DPP10: variants seen among roughly 807,000 people sequenced by gnomAD.
The protein encoded by DPP10 is inactive dipeptidyl peptidase 10.
Under a neutral mutation model 120.9 loss-of-function variants are expected in DPP10, and 33 were observed. That is an observed-to-expected ratio of 0.27 (90% CI 0.21 to 0.37). The LOEUF is 0.37. Among genes scored for constraint, DPP10 ranks in the 10% least tolerant of loss-of-function variants. The pLI is 1.00. For synonymous variants in DPP10, 337 were observed against 326.1 expected (o/e 1.03, Z -0.36); for missense variants, 816 against 942.8 (o/e 0.87, Z 1.76).
At chr2:115,728,397 A>G (rs1471973358) in intron 8 of DPP10, among the ~76,000 whole-genome samples, 5 of 152,100 alleles carry the variant, frequency 3.3e-5, no homozygotes, top group Admixed American at 3.3e-4. Flanking sequence ...AATAAAACCC[A>G]CATAAAGAGT....
intron 1 of DPP10, among the ~76,000 whole-genome samples, chr2:114,497,264 TAC>T (rs1682662546): frequency 9.9e-6 from 1 of 101,154 alleles, no homozygotes; most frequent in Admixed American, 1.1e-4. Flanking sequence ...TACGTGTGTA[TAC>T]ATGTACATGT....
At chr2:115,565,425 C>T (rs2080939572) in intron 5 of DPP10, among the ~76,000 whole-genome samples, 1 of 152,010 alleles carries the variant, frequency 6.6e-6, no homozygotes, top group South Asian at 2.1e-4. Flanking sequence ...TTATCAATGG[C>T]ATTCACTTAA....
intron 1 of DPP10, among the ~76,000 whole-genome samples, chr2:114,544,828 G>A (rs1389186152): frequency 6.6e-6 from 1 of 151,978 alleles, no homozygotes; most frequent in East Asian, 1.9e-4. Context: ...TTATGTAAAT[G>A]TAGTTCATTA....
At chr2:115,697,743 T>C (rs1427374640) in intron 7 of DPP10, among the ~76,000 whole-genome samples, 1 of 152,066 alleles carries the variant, frequency 6.6e-6, no homozygotes, top group Non-Finnish European at 1.5e-5. Context: ...CCCAGCACTT[T>C]AGGAGGCTGA....
At chr2:114,845,987 A>AC (rs1688519400) in intron 1 of DPP10, among the ~76,000 whole-genome samples, 1 of 149,784 alleles carries the variant, frequency 6.7e-6, no homozygotes, top group South Asian at 2.1e-4. Context: ...CTTACTGCAG[A>AC]TTTTTTTTTT....
intron 3 of DPP10, among the ~76,000 whole-genome samples, chr2:115,381,323 C>G (rs185058139): frequency 4.1e-4 from 63 of 152,108 alleles, no homozygotes; most frequent in East Asian, 7.7e-4. Context: ...TCACTAATAC[C>G]CTTTCTTCCA....
chr2:114,929,975 C>T (rs1416898659), intron 1 of DPP10, among the ~76,000 whole-genome samples: 1 of 152,110 alleles, frequency 6.6e-6, no homozygotes, highest in African/African-American at 2.4e-5. Flanking sequence ...TCAGCCAGTC[C>T]CTCCGTTCAG....
At chr2:115,287,689 A>G (rs548494246) in intron 1 of DPP10, among the ~76,000 whole-genome samples, 9 of 152,184 alleles carry the variant, frequency 5.9e-5, no homozygotes, top group African/African-American at 2.2e-4. Flanking sequence ...CAGTACCCAA[A>G]TCAGTAGCAT....
intron 1 of DPP10, among the ~76,000 whole-genome samples, chr2:114,572,453 C>A (rs1689730301): frequency 1.3e-5 from 2 of 152,158 alleles, no homozygotes; most frequent in Non-Finnish European, 1.5e-5. Flanking sequence ...ATTAATTCCT[C>A]AAAATCTCAG....
intron 1 of DPP10, among the ~76,000 whole-genome samples, chr2:114,522,159 T>G (rs1685121912): frequency 6.7e-6 from 1 of 150,316 alleles, no homozygotes; most frequent in East Asian, 1.9e-4. Context: ...TTTTTTTTTG[T>G]ATTTTTAGTA....
rs1427325032 is a variant in DPP10, at chr2:115,444,935, A to G, written c.272-54575A>G. ...ATGGTTTGGCTCTATGTCCCCACCCAAATTTCATCTCAAAGTGTAATCCCC... is the reference window on the plus strand; with the variant it reads ...ATGGTTTGGCTCTATGTCCCCACCCGAATTTCATCTCAAAGTGTAATCCCC... On this transcript the variant is annotated intron_variant, in intron 3 of 25. Coordinates refer to ENST00000410059, the MANE Select transcript of DPP10 (RefSeq NM_020868.6). Among the ~76,000 whole-genome samples, 3 of 152,258 alleles carry G rather than the reference A, an allele frequency of 2.0e-5. No individual in the cohort carries two copies. In the South Asian group the frequency reaches 6.2e-4, roughly 32 times the overall value.
chr2:115,275,234 G>C (rs2059863427), intron 1 of DPP10, among the ~76,000 whole-genome samples: 1 of 152,104 alleles, frequency 6.6e-6, no homozygotes. Flanking sequence ...AAGTACTCTT[G>C]GATAAACCAT....
At chr2:115,174,891 G>A (rs1022267904) in intron 1 of DPP10, among the ~76,000 whole-genome samples, 14 of 152,168 alleles carry the variant, frequency 9.2e-5, no homozygotes, top group African/African-American at 2.7e-4. Context: ...ATTGCTTGTC[G>A]GGTTTGTCCC....
chr2:115,216,816 T>G (rs2056850005), intron 1 of DPP10, among the ~76,000 whole-genome samples: 1 of 151,954 alleles, frequency 6.6e-6, no homozygotes, highest in African/African-American at 2.4e-5. Context: ...CTAAGCTATA[T>G]ATATGTATAT....
intron 1 of DPP10, among the ~76,000 whole-genome samples, chr2:114,636,073 A>G (rs557612021): frequency 5.3e-5 from 8 of 152,062 alleles, no homozygotes; most frequent in African/African-American, 1.9e-4. Context: ...TTTTTTTAAG[A>G]AAGTGTCTGC....
At chr2:115,054,922 A>G (rs745305593) in intron 1 of DPP10, among the ~76,000 whole-genome samples, 15 of 152,300 alleles carry the variant, frequency 9.8e-5, no homozygotes, top group Non-Finnish European at 1.9e-4. Context: ...AAAAAACGAA[A>G]GAAAAACATA....
intron 1 of DPP10, among the ~76,000 whole-genome samples, chr2:114,880,567 G>A (rs879502263): frequency 3.3e-5 from 5 of 152,068 alleles, no homozygotes; most frequent in Non-Finnish European, 7.4e-5. Context: ...CTCAATGAAA[G>A]GGGAAAAAAT....
intron 1 of DPP10, among the ~76,000 whole-genome samples, chr2:115,026,590 C>T (rs1464429185): frequency 1.3e-5 from 2 of 152,258 alleles, no homozygotes; most frequent in Non-Finnish European, 2.9e-5. Flanking sequence ...GGCTGGAGTG[C>T]AGTGGTGCCA....
chr2:114,628,415 G>C (rs944525586), intron 1 of DPP10, among the ~76,000 whole-genome samples: 6 of 152,010 alleles, frequency 3.9e-5, no homozygotes, highest in African/African-American at 1.4e-4. Context: ...TAGTCACCTT[G>C]GAGCATGAAA....
Sources: allele counts gnomAD v4.1 joint callset (sites outside exome capture counted in the v4.1 genomes callset), GRCh38; gene constraint gnomAD v4.1.1; transcripts MANE v1.5; gene names NCBI Gene and HGNC (gene_info 2026-07-23, HGNC 2026-07-21).